The following CADM2 variants were observed in gnomAD, a reference collection of about 807,000 sequenced individuals.
CADM2 encodes immunoglobulin superfamily member 4D.
CADM2 carries 12 observed loss-of-function variants against 49.8 expected under a neutral mutation model. That is an observed-to-expected ratio of 0.24 (90% CI 0.15 to 0.39). CADM2 has a LOEUF of 0.39. Ranked by LOEUF, CADM2 falls within the 10% of genes least tolerant of loss-of-function variation. The probability of loss-of-function intolerance (pLI) is 1.00; values close to 1 mark genes in which losing one functional copy is unlikely to be tolerated. For synonymous variants in CADM2, 214 were observed against 175.4 expected (o/e 1.22, Z -1.74); for missense variants, 378 against 492.3 (o/e 0.77, Z 2.20).
intron 1 of CADM2, among the ~76,000 whole-genome samples, chr3:85,500,621 C>A (rs1316831119): frequency 6.6e-6 from 1 of 151,642 alleles, no homozygotes; most frequent in African/African-American, 2.4e-5. Context: ...GGGTTCACGT[C>A]ATTCTCCTGC....
chr3:85,076,303 T>TTGTGTGTG (rs71108205), intron 1 of CADM2, among the ~76,000 whole-genome samples: 19,852 of 139,112 alleles, frequency 0.14, 1,549 homozygotes, highest in Non-Finnish European at 0.18. Context: ...AAAAAAGAAA[T>TTGTGTGTG]TGTGTGTGTG....
At chr3:85,530,425 G>A (rs2061278747) in intron 1 of CADM2, among the ~76,000 whole-genome samples, 1 of 97,536 alleles carries the variant, frequency 1.0e-5, no homozygotes, top group South Asian at 3.2e-4. Flanking sequence ...CCGCCTCCCG[G>A]GTTCACGCCA....
At chr3:85,163,357 G>A (rs943733879) in intron 1 of CADM2, among the ~76,000 whole-genome samples, 2 of 151,996 alleles carry the variant, frequency 1.3e-5, no homozygotes, top group South Asian at 2.1e-4. Context: ...TGGGGCAGGC[G>A]ATAAAAAGCT....
At chr3:85,906,265 T>C (rs1293457047) in intron 5 of CADM2, among the ~76,000 whole-genome samples, 1 of 152,148 alleles carries the variant, frequency 6.6e-6, no homozygotes, top group Non-Finnish European at 1.5e-5. Context: ...TCAGGTAATA[T>C]ATGTACCTGG....
chr3:85,547,645 T>C (rs1168888597), intron 1 of CADM2, among the ~76,000 whole-genome samples: 1 of 152,102 alleles, frequency 6.6e-6, no homozygotes, highest in African/African-American at 2.4e-5. Flanking sequence ...CCTCAGAAAA[T>C]GTTAGGAGTC....
intron 1 of CADM2, among the ~76,000 whole-genome samples, chr3:84,987,125 G>T (rs531152016): frequency 9.1e-4 from 138 of 152,166 alleles, no homozygotes; most frequent in African/African-American, 3.2e-3. Flanking sequence ...AATGGAATGT[G>T]TTAGGGAGCA....
intron 1 of CADM2, among the ~76,000 whole-genome samples, chr3:85,616,719 T>C (rs2063808674): frequency 6.6e-6 from 1 of 152,198 alleles, no homozygotes; most frequent in Non-Finnish European, 1.5e-5. Context: ...TGTGTCATTT[T>C]AATAAGACTT....
chr3:85,293,897 C>A (rs1174760986), intron 1 of CADM2, among the ~76,000 whole-genome samples: 9 of 151,808 alleles, frequency 5.9e-5, no homozygotes, highest in African/African-American at 2.2e-4. Flanking sequence ...GATGCCCTCC[C>A]TCACCACTCC....
intron 3 of CADM2, among the ~76,000 whole-genome samples, chr3:85,853,315 A>C (rs981834013): frequency 3.9e-5 from 6 of 152,128 alleles, no homozygotes; most frequent in Non-Finnish European, 5.9e-5. Context: ...AACAACAACA[A>C]CAACACAAAT....
chr3:85,399,951 A>AC (rs1395919966), intron 1 of CADM2, among the ~76,000 whole-genome samples: 2 of 152,008 alleles, frequency 1.3e-5, no homozygotes, highest in African/African-American at 4.8e-5. Flanking sequence ...CTAATTGAAT[A>AC]CCCTTTATTT....
chr3:85,042,065 A>G (rs2107367294), intron 1 of CADM2, among the ~76,000 whole-genome samples: 1 of 152,296 alleles, frequency 6.6e-6, no homozygotes, highest in Non-Finnish European at 1.5e-5. Context: ...TAATTACCCT[A>G]CATTACCCTA....
chr3:85,961,583 A>G lies in CADM2; in HGVS notation c.906A>G (p.Thr302=), dbSNP rs758556843. ...ILFLNKTDNG[T]YRCEATNTIG... ...TCCTGAACAAAACGGATAATGGTACATATCGATGTGAAGCCACAAACACCA... is the reference window on the plus strand; with the variant it reads ...TCCTGAACAAAACGGATAATGGTACGTATCGATGTGAAGCCACAAACACCA... Residue 302 remains threonine, a synonymous_variant, in exon 8 of 10, where the codon ACA becomes ACG. Transcript: ENST00000383699. The G allele has an allele frequency of 1.2e-6, 2 of 1,608,816 alleles. No individual in the cohort carries two copies. The highest frequency in any genetic ancestry group is 1.7e-6 in the Non-Finnish European group (2 of 1,176,304).
intron 1 of CADM2, among the ~76,000 whole-genome samples, chr3:85,223,958 A>G (rs973758460): frequency 3.9e-5 from 6 of 152,192 alleles, no homozygotes; most frequent in African/African-American, 1.4e-4. Flanking sequence ...GCTGCATAGT[A>G]TTCCATTGTG....
At chr3:85,642,563 T>G in intron 1 of CADM2, among the ~76,000 whole-genome samples, 1 of 152,184 alleles carries the variant, frequency 6.6e-6, no homozygotes, top group Admixed American at 6.5e-5. Flanking sequence ...GTTTAAGATT[T>G]AATCAATTAT....
At chr3:85,031,671 C>A (rs912325519) in intron 1 of CADM2, among the ~76,000 whole-genome samples, 2 of 152,118 alleles carry the variant, frequency 1.3e-5, no homozygotes, top group South Asian at 2.1e-4. Context: ...CACGCCACCA[C>A]GCCCGGCTAA....
chr3:85,246,961 A>G (rs954417436), intron 1 of CADM2, among the ~76,000 whole-genome samples: 2 of 152,176 alleles, frequency 1.3e-5, no homozygotes, highest in African/African-American at 2.4e-5. Context: ...TTTTACTTAT[A>G]TAATTTAACT....
At chr3:85,438,289 A>T (rs969904590) in intron 1 of CADM2, among the ~76,000 whole-genome samples, 1 of 152,084 alleles carries the variant, frequency 6.6e-6, no homozygotes, top group Admixed American at 6.6e-5. Context: ...AGAGTAGATA[A>T]TACTGCAAAG....
chr3:85,798,899 A>G (rs2071805039), intron 2 of CADM2, among the ~76,000 whole-genome samples: 2 of 152,212 alleles, frequency 1.3e-5, no homozygotes, highest in Admixed American at 1.3e-4. Flanking sequence ...CTTCCTATCC[A>G]TGAGCATAGA....
At chr3:85,315,806 A>G (rs1435255186) in intron 1 of CADM2, among the ~76,000 whole-genome samples, 1 of 151,592 alleles carries the variant, frequency 6.6e-6, no homozygotes, top group Non-Finnish European at 1.5e-5. Flanking sequence ...TGGATTTTGG[A>G]AATACTTTAA....
Sources: gnomAD v4.1 joint callset for allele counts (sites outside exome capture counted in the v4.1 genomes callset) on GRCh38, gnomAD v4.1.1 for gene constraint, MANE v1.5 for transcripts, NCBI Gene and HGNC (gene_info 2026-07-23, HGNC 2026-07-21) for gene names.